The following EYS variants were observed in gnomAD, a reference collection of about 807,000 sequenced individuals.
EYS encodes EGF-like photoreceptor maintenance factor.
In EYS, 250 loss-of-function variants were observed where a neutral mutation model predicts 282.1. That is an observed-to-expected ratio of 0.89 (90% CI 0.80 to 0.98). The LOEUF is 0.98. Ranked by LOEUF, EYS falls within the 50% of genes least tolerant of loss-of-function variation. The pLI is 0.00. For missense variants in EYS, 4,016 were observed against 3,709.0 expected (o/e 1.08, Z -2.15); for synonymous variants, 1,355 against 1,282.9 (o/e 1.06, Z -1.20).
intron 35 of EYS, among the ~76,000 whole-genome samples, chr6:63,951,896 C>A (rs1765611810): frequency 1.3e-5 from 2 of 152,194 alleles, no homozygotes; most frequent in Admixed American, 6.5e-5. Context: ...GCCCTAGACT[C>A]TGAAAGGTCA....
intron 22 of EYS, among the ~76,000 whole-genome samples, chr6:64,780,918 A>G (rs771976995): frequency 6.6e-6 from 1 of 152,230 alleles, no homozygotes; most frequent in African/African-American, 2.4e-5. Flanking sequence ...TGCTTCTCAA[A>G]TAACAGTCTA....
chr6:65,148,334 T>C (rs2150213405), intron 12 of EYS, among the ~76,000 whole-genome samples: 1 of 152,246 alleles, frequency 6.6e-6, no homozygotes, highest in South Asian at 2.1e-4. Flanking sequence ...TGGGAGAAAC[T>C]AGCCAAAACA....
At chr6:64,386,097 G>A (rs1561963710) in intron 29 of EYS, among the ~76,000 whole-genome samples, 1 of 152,112 alleles carries the variant, frequency 6.6e-6, no homozygotes, top group Non-Finnish European at 1.5e-5. Flanking sequence ...TGAACCGAAG[G>A]CCCGTATTTC....
chr6:65,122,504 C>T (rs1775587942), intron 12 of EYS, among the ~76,000 whole-genome samples: 1 of 151,994 alleles, frequency 6.6e-6, no homozygotes, highest in Admixed American at 6.6e-5. Context: ...AGTCTTATCT[C>T]AGCAAAACAA....
chr6:64,754,951 G>T (rs983319321), intron 22 of EYS, among the ~76,000 whole-genome samples: 1 of 152,014 alleles, frequency 6.6e-6, no homozygotes, highest in Non-Finnish European at 1.5e-5. Flanking sequence ...GATCAATCAG[G>T]CAAGAGAAAG....
chr6:64,915,927 C>CTTTTT (rs1206877455), intron 15 of EYS, among the ~76,000 whole-genome samples: 1 of 151,780 alleles, frequency 6.6e-6, no homozygotes, highest in Admixed American at 6.6e-5. Flanking sequence ...CTTTTCTTTT[C>CTTTTT]TTTTTTTAAA....
intron 5 of EYS, among the ~76,000 whole-genome samples, chr6:65,425,735 A>T (rs1176783197): frequency 6.6e-6 from 1 of 152,098 alleles, no homozygotes; most frequent in Non-Finnish European, 1.5e-5. Flanking sequence ...TTTATAGTTC[A>T]TGGCGAGGGA....
intron 15 of EYS, among the ~76,000 whole-genome samples, chr6:64,920,648 T>A (rs373624893): frequency 5.4e-4 from 83 of 152,294 alleles, no homozygotes; most frequent in African/African-American, 1.8e-3. Flanking sequence ...TATATGCAAG[T>A]ATAATATCCA....
At chr6:65,041,437 A>G (rs538494744) in intron 13 of EYS, among the ~76,000 whole-genome samples, 29 of 151,620 alleles carry the variant, frequency 1.9e-4, no homozygotes, top group Non-Finnish European at 3.1e-4. Flanking sequence ...GATTCTTAAC[A>G]AAGGGTTTAA....
At chr6:64,082,799 T>G (rs1772017144) in intron 31 of EYS, among the ~76,000 whole-genome samples, 1 of 152,142 alleles carries the variant, frequency 6.6e-6, no homozygotes, top group Non-Finnish European at 1.5e-5. Flanking sequence ...TTGTTATAGA[T>G]CTATATTCAT....
chr6:65,388,617 A>G (rs1024167194), intron 7 of EYS, among the ~76,000 whole-genome samples: 1 of 152,120 alleles, frequency 6.6e-6, no homozygotes, highest in Non-Finnish European at 1.5e-5. Context: ...AACATCTCAA[A>G]GACCAAAGTG....
At chr6:64,374,242 G>A (rs1772492137) in intron 29 of EYS, among the ~76,000 whole-genome samples, 1 of 150,576 alleles carries the variant, frequency 6.6e-6, no homozygotes, top group Non-Finnish European at 1.5e-5. Context: ...GTTAGGGCCT[G>A]GGGGTTGGAG....
chr6:65,254,133 T>C (rs184387765), intron 12 of EYS, among the ~76,000 whole-genome samples: 1 of 151,832 alleles, frequency 6.6e-6, no homozygotes, highest in African/African-American at 2.4e-5. Flanking sequence ...ACAGATTTAC[T>C]TTTATCTCTT....
chr6:64,551,913 A>T (rs1247019690), intron 26 of EYS, among the ~76,000 whole-genome samples: 1 of 152,124 alleles, frequency 6.6e-6, no homozygotes, highest in African/African-American at 2.4e-5. Flanking sequence ...CTGATATGAG[A>T]TGGTATCTCA....
chr6:63,953,198 T>C (rs1286242923), intron 35 of EYS, among the ~76,000 whole-genome samples: 2 of 152,174 alleles, frequency 1.3e-5, no homozygotes, highest in Non-Finnish European at 2.9e-5. Flanking sequence ...GGACTGACCC[T>C]GACACCCATT....
intron 2 of EYS, among the ~76,000 whole-genome samples, chr6:65,549,699 G>A (rs1768528624): frequency 6.6e-6 from 1 of 152,122 alleles, no homozygotes; most frequent in Non-Finnish European, 1.5e-5. Context: ...AAGTCTGCTG[G>A]GATAACATAT....
At chr6:65,302,411 T>C in intron 11 of EYS, 2 of 649,886 alleles carry the variant, frequency 3.1e-6, no homozygotes, top group East Asian at 5.4e-5. Flanking sequence ...GTGATCAAGT[T>C]GTCATTTGGA....
chr6:64,923,950 T>A (rs1583297707), intron 15 of EYS, among the ~76,000 whole-genome samples: 1 of 152,254 alleles, frequency 6.6e-6, no homozygotes, highest in East Asian at 1.9e-4. Flanking sequence ...TGTCAGAGGA[T>A]CTACCATTCT....
chr6:64,301,550 C>T (rs1769235306), intron 30 of EYS, among the ~76,000 whole-genome samples: 1 of 152,136 alleles, frequency 6.6e-6, no homozygotes, highest in Non-Finnish European at 1.5e-5. Context: ...TCAGTAAAGT[C>T]ATATATTCAG....
Sources: allele counts gnomAD v4.1 joint callset (sites outside exome capture counted in the v4.1 genomes callset), GRCh38; gene constraint gnomAD v4.1.1; transcripts MANE v1.5; gene names NCBI Gene and HGNC (gene_info 2026-07-23, HGNC 2026-07-21).